Variants in ST7L observed in about 807,000 individuals in gnomAD.
The protein encoded by ST7L is suppressor of tumorigenicity 7 protein-like.
In ST7L, 57 loss-of-function variants were observed where a neutral mutation model predicts 72.5. The ratio of observed to expected loss-of-function variants is 0.79; its 90% CI spans 0.64 to 0.98. ST7L has a LOEUF of 0.98. Ranked by LOEUF, ST7L falls within the 50% of genes least tolerant of loss-of-function variation. ST7L has a pLI of 0.00. For missense variants in ST7L, 576 were observed against 672.2 expected (o/e 0.86, Z 1.58); for synonymous variants, 221 against 240.9 (o/e 0.92, Z 0.77).
chr1:112,582,103 T>C lies in ST7L; in HGVS notation c.958A>G (p.Met320Val), dbSNP rs367993708. Reference sequence around the variant, plus strand: ...ATGGTAAGAGGAGGAAATTCTTTCATCAACTGTATATTAAAAGGAAAAGAA... The same window carrying C: ...ATGGTAAGAGGAGGAAATTCTTTCACCAACTGTATATTAAAAGGAAAAGAA... ...REAVKIMRDL[M>V]KEFPPLTMLN... Residue 320 changes from methionine to valine, a missense_variant, in exon 9 of 15, where the codon ATG becomes GTG. Met to Val is a conservative substitution (Grantham distance 21). Coordinates refer to ENST00000358039, the MANE Select transcript of ST7L (RefSeq NM_017744.5). 24 of 1,587,032 alleles carry C rather than the reference T, an allele frequency of 1.5e-5. No homozygotes were observed. The highest frequency in any genetic ancestry group is 3.3e-5 in the Admixed American group (2 of 59,866).
intron 11 of ST7L, among the ~76,000 whole-genome samples, chr1:112,567,269 T>C (rs1161007296): frequency 1.3e-5 from 2 of 152,244 alleles, no homozygotes; most frequent in Non-Finnish European, 2.9e-5. Flanking sequence ...TTATGTGTTA[T>C]TGGACATTCC....
intron 11 of ST7L, among the ~76,000 whole-genome samples, chr1:112,574,980 T>C (rs1017721885): frequency 5.9e-5 from 9 of 152,224 alleles, no homozygotes; most frequent in African/African-American, 2.2e-4. Context: ...GGCTTATGCC[T>C]GTAATCCCAG....
rs565345977 is a variant in ST7L at position 112,577,165 on chromosome 1, G to A, written c.1143-77C>T. The stretch of plus-strand genomic sequence containing the variant: ...AAGTATGAATTTAGATAATAATACA[G>A]CCCCTTGAATCAAAAGAAGTTTCTG... On this transcript the variant is annotated intron_variant, in intron 10 of 14. Transcript: ENST00000358039. 36 of 875,688 alleles carry A rather than the reference G, an allele frequency of 4.1e-5. No homozygotes were observed. In the Admixed American group the frequency reaches 7.5e-4, roughly 18 times the overall value. The allele number at this position is 875,688 out of a possible 1,614,324, so 54.2% of individuals were successfully genotyped here. A position where few individuals can be genotyped will look rare whatever the true frequency, so the allele number is the denominator to read the frequency against.
chr1:112,587,664 C>A (rs1444784429), intron 6 of ST7L, among the ~76,000 whole-genome samples: 1 of 152,188 alleles, frequency 6.6e-6, no homozygotes, highest in Non-Finnish European at 1.5e-5. Flanking sequence ...TTTCTGGAAT[C>A]TCAATTTGAA....
At chr1:112,543,881 A>C (rs1325644942) in intron 13 of ST7L, among the ~76,000 whole-genome samples, 2 of 151,618 alleles carry the variant, frequency 1.3e-5, no homozygotes, top group Admixed American at 6.6e-5. Flanking sequence ...AAAAAAAAAA[A>C]AAAAAAAAAA....
chr1:112,585,182 AAG>A (rs1324288951), intron 6 of ST7L, among the ~76,000 whole-genome samples: 1 of 152,188 alleles, frequency 6.6e-6, no homozygotes, highest in African/African-American at 2.4e-5. Context: ...TGGGGCCACA[AAG>A]AGAAACAAAA....
chr1:112,581,004 C>G (rs1346094714), intron 9 of ST7L, among the ~76,000 whole-genome samples: 1 of 152,142 alleles, frequency 6.6e-6, no homozygotes, highest in Non-Finnish European at 1.5e-5. Flanking sequence ...AATCAAACAC[C>G]TGGATTTGCC....
intron 14 of ST7L, chr1:112,529,007 A>T (rs12401455): frequency 2.6e-5 from 4 of 152,226 alleles, no homozygotes; most frequent in Admixed American, 2.0e-4. Flanking sequence ...ATCGCTACTT[A>T]TGGGGCTTTT....
intron 14 of ST7L, among the ~76,000 whole-genome samples, chr1:112,537,115 C>T (rs1655345019): frequency 1.3e-5 from 2 of 152,060 alleles, no homozygotes; most frequent in South Asian, 4.1e-4. Context: ...CCTGCCTCAG[C>T]CTCCCAAGTA....
intron 14 of ST7L, chr1:112,527,758 G>A (rs1653695450): frequency 6.6e-6 from 1 of 152,318 alleles, no homozygotes; most frequent in Non-Finnish European, 1.5e-5. Flanking sequence ...TCAAGCTAGA[G>A]GGTTAACTCC....
At chr1:112,612,356 A>G (rs1669202237) in intron 2 of ST7L, among the ~76,000 whole-genome samples, 1 of 152,114 alleles carries the variant, frequency 6.6e-6, no homozygotes, top group East Asian at 1.9e-4. Context: ...CCTTGGCCTC[A>G]CAAAGTGCTA....
At chr1:112,560,854 T>C (rs1189627275) in intron 11 of ST7L, among the ~76,000 whole-genome samples, 3 of 151,810 alleles carry the variant, frequency 2.0e-5, no homozygotes, top group Non-Finnish European at 4.4e-5. Context: ...TCCCAGCTAC[T>C]TGGGAGGCTG....
At chr1:112,563,897 G>C (rs1335986531) in intron 11 of ST7L, among the ~76,000 whole-genome samples, 1 of 152,130 alleles carries the variant, frequency 6.6e-6, no homozygotes, top group Non-Finnish European at 1.5e-5. Context: ...CTGACCTGAA[G>C]TAATGATAAT....
chr1:112,540,367 A>C, intron 14 of ST7L: 6 of 985,480 alleles, frequency 6.1e-6, no homozygotes, highest in Non-Finnish European at 7.2e-6. Flanking sequence ...CAGATTACAT[A>C]GTAAGGTCAT....
chr1:112,552,389 G>A (rs1658361747), intron 12 of ST7L, among the ~76,000 whole-genome samples: 1 of 151,930 alleles, frequency 6.6e-6, no homozygotes, highest in South Asian at 2.1e-4. Flanking sequence ...AACTTTTGTC[G>A]CAATTTAGAC....
chr1:112,547,923 G>A (rs1202661965), intron 13 of ST7L, among the ~76,000 whole-genome samples: 2 of 151,966 alleles, frequency 1.3e-5, no homozygotes, highest in Non-Finnish European at 2.9e-5. Flanking sequence ...AGGGTGAGAG[G>A]GAGAAGGCAC....
intron 3 of ST7L, among the ~76,000 whole-genome samples, chr1:112,605,902 G>A (rs1314374063): frequency 2.0e-5 from 3 of 152,194 alleles, no homozygotes; most frequent in Non-Finnish European, 2.9e-5. Flanking sequence ...GCCTGTATTG[G>A]GAGCAGCAGT....
rs1432852148 is a variant in ST7L at position 112,524,590 on chromosome 1, G to A, written c.*1423C>T. On this transcript the variant is annotated 3_prime_UTR_variant, in exon 15 of 15. Coordinates refer to ENST00000358039, the MANE Select transcript of ST7L (RefSeq NM_017744.5). Reference sequence around the variant, plus strand: ...ACACAGAGACCTGTAGCTCACACCTGGTTATTGATGGCCTTGGTGGAGGCC... The same window carrying A: ...ACACAGAGACCTGTAGCTCACACCTAGTTATTGATGGCCTTGGTGGAGGCC... 1 of 152,622 alleles carries A rather than the reference G, an allele frequency of 6.6e-6. No individual in the cohort carries two copies. The allele number at this position is 152,622 out of a possible 1,614,324, so 9.5% of individuals were successfully genotyped here. A position where few individuals can be genotyped will look rare whatever the true frequency, so the allele number is the denominator to read the frequency against.
At chr1:112,566,447 GC>G (rs1202870670) in intron 11 of ST7L, among the ~76,000 whole-genome samples, 22 of 151,742 alleles carry the variant, frequency 1.4e-4, no homozygotes. Flanking sequence ...ACAGGTGTGT[GC>G]CACCATGTCC....
Sources: allele counts gnomAD v4.1 joint callset (sites outside exome capture counted in the v4.1 genomes callset), GRCh38; gene constraint gnomAD v4.1.1; transcripts MANE v1.5; gene names NCBI Gene and HGNC (gene_info 2026-07-23, HGNC 2026-07-21).